The following GPR12 variants were observed in gnomAD, a reference collection of about 807,000 sequenced individuals.
GPR12 encodes G protein-coupled receptor 12.
Under a neutral mutation model 18.9 loss-of-function variants are expected in GPR12, and 7 were observed. The observed-to-expected ratio is 0.37, with a 90% CI of 0.21 to 0.70. The LOEUF (loss-of-function observed/expected upper bound fraction) is 0.70. GPR12 is among the 30% of genes least tolerant of loss of function. The probability of loss-of-function intolerance (pLI) is 0.54; values close to 1 mark genes in which losing one functional copy is unlikely to be tolerated. For synonymous variants in GPR12, 201 were observed against 188.6 expected (o/e 1.07, Z -0.54); for missense variants, 327 against 427.7 (o/e 0.76, Z 2.08).
In GPR12 at chr13:26,758,640, T is replaced by C; in HGVS notation, c.*183A>G. The C allele has an allele frequency of 1.1e-6, 1 of 928,238 alleles. No individual in the cohort carries two copies. 57.5% of individuals were successfully genotyped at this position (928,238 alleles called of 1,614,324 possible). A position where few individuals can be genotyped will look rare whatever the true frequency, so the allele number is the denominator to read the frequency against. On this transcript the variant is annotated 3_prime_UTR_variant, in exon 2 of 2. Coordinates refer to ENST00000405846, the MANE Select transcript of GPR12 (RefSeq NM_005288.4). ...CAATTTTTTTTAATGGTGAAAACACTGGTAACATTATTTTCACTTCAATCA... is the reference window on the plus strand; with the variant it reads ...CAATTTTTTTTAATGGTGAAAACACCGGTAACATTATTTTCACTTCAATCA...
chr13:26,758,632 G>A lies in GPR12; in HGVS notation c.*191C>T. The A allele has an allele frequency of 1.1e-6, 1 of 891,996 alleles. No individual in the cohort carries two copies. Among genetic ancestry groups the A allele is most frequent in the Non-Finnish European group, 1.6e-6 (1 of 621,280 alleles). The allele number at this position is 891,996 out of a possible 1,614,324, so 55.3% of individuals were successfully genotyped here. A position where few individuals can be genotyped will look rare whatever the true frequency, so the allele number is the denominator to read the frequency against. On this transcript the variant is annotated 3_prime_UTR_variant, in exon 2 of 2. Transcript: ENST00000405846. ...GAGCTCAACAATTTTTTTTAATGGTGAAAACACTGGTAACATTATTTTCAC... is the reference window on the plus strand; with the variant it reads ...GAGCTCAACAATTTTTTTTAATGGTAAAAACACTGGTAACATTATTTTCAC...
Position 26,759,433 on chromosome 13 carries a change from A to G in GPR12, c.395T>C (p.Leu132Pro), listed in dbSNP as rs777989826. The change falls in exon 2 of 2, where the codon CTG becomes CCG. Residue 132 changes from leucine (L) to proline (P), a missense_variant. Leu to Pro is a moderately conservative substitution (Grantham distance 98, BLOSUM62 -3). Transcript: ENST00000405846. ...ASFSASVCSL[L>P]AITVDRYLSL... is the part of the protein sequence containing the mutation. ...GAGGTAGCGGTCAACAGTGATAGCC[A>G]GCAAGCTGCAGACAGAGGCAGAGAA... is the stretch of plus-strand genomic sequence containing the variant. 3 of 1,614,056 alleles carry G rather than the reference A, an allele frequency of 1.9e-6. No individual in the cohort carries two copies. The highest frequency in any genetic ancestry group is 2.5e-6 in the Non-Finnish European group (3 of 1,180,026).
rs200921336 is a variant in GPR12, at chr13:26,758,774, G to A, written c.*49C>T. Reference sequence around the variant, plus strand: ...AGGGAAGCATCTCAAACCTTGGCCAGGCAGTGGAAGTGCTTGGTAAATGCA... The same window carrying A: ...AGGGAAGCATCTCAAACCTTGGCCAAGCAGTGGAAGTGCTTGGTAAATGCA... On this transcript the variant is annotated 3_prime_UTR_variant, in exon 2 of 2. Transcript: ENST00000405846. The A allele has an allele frequency of 1.9e-5, 30 of 1,541,818 alleles. No homozygotes were observed. Among genetic ancestry groups the A allele is most frequent in the Non-Finnish European group, 2.6e-5 (30 of 1,141,940 alleles).
Position 26,758,710 on chromosome 13 carries a change from C to T in GPR12, c.*113G>A, listed in dbSNP as rs925084377. 5.6e-6 allele frequency: 8 copies of T among 1,419,604 alleles called. No homozygotes were observed. In the African/African-American group the frequency reaches 5.8e-5, roughly 10 times the overall value. The allele number at this position is 1,419,604 out of a possible 1,614,324, so 87.9% of individuals were successfully genotyped here. On this transcript the variant is annotated 3_prime_UTR_variant, in exon 2 of 2. Coordinates refer to ENST00000405846, the MANE Select transcript of GPR12 (RefSeq NM_005288.4). ...GTCATTGTTTCACGAATGCTAAGTG[C>T]TCCTGTGGCTTGAGAGGGAATCCAA... is the stretch of plus-strand genomic sequence containing the variant.
rs890785817 is a variant in GPR12, at chr13:26,755,591, T to TA, written c.*3231dup. ...TCCTCCTGAACCTGGCTCCTTACTGTAGGCTCCAGGCAAGGAGGGGCTCTA... is the reference window on the plus strand; with the variant it reads ...TCCTCCTGAACCTGGCTCCTTACTGTAAGGCTCCAGGCAAGGAGGGGCTCTA... On this transcript the variant is annotated 3_prime_UTR_variant, in exon 2 of 2. Transcript: ENST00000405846. 2 of 152,182 alleles carry TA rather than the reference T, an allele frequency of 1.3e-5. No individual in the cohort carries two copies. Among genetic ancestry groups the TA allele is most frequent in the African/African-American group, 4.8e-5 (2 of 41,442 alleles). 9.4% of individuals were successfully genotyped at this position (152,182 alleles called of 1,614,324 possible).
intron 1 of GPR12, 46 bp downstream of exon 1, chr13:26,760,533 G>C (rs1402138673): frequency 6.6e-6 from 1 of 151,938 alleles, no homozygotes; most frequent in Non-Finnish European, 1.5e-5. Context: ...GACAGGGTGC[G>C]GGGACAGGCG....
rs999558867 is a variant in GPR12 at position 26,757,485 on chromosome 13, T to G, written c.*1338A>C. ...AGACACATCGATTTTACAATGTGTTTAAAGTGAATTCTTCTTTGCAATTTC... is the reference window on the plus strand; with the variant it reads ...AGACACATCGATTTTACAATGTGTTGAAAGTGAATTCTTCTTTGCAATTTC... On this transcript the variant is annotated 3_prime_UTR_variant, in exon 2 of 2. Coordinates refer to ENST00000405846, the MANE Select transcript of GPR12 (RefSeq NM_005288.4). 5 of 152,248 alleles carry G rather than the reference T, an allele frequency of 3.3e-5. No individual in the cohort carries two copies. The highest frequency in any genetic ancestry group is 1.2e-4 in the African/African-American group (5 of 41,464). The allele number at this position is 152,248 out of a possible 1,614,324, so 9.4% of individuals were successfully genotyped here.
At position 26,756,651 on chromosome 13, in the gene GPR12, G is replaced by T. The variant is rs1022640617; in HGVS notation, c.*2172C>A. 2.6e-5 allele frequency: 4 copies of T among 152,174 alleles called. No individual in the cohort carries two copies. The highest frequency in any genetic ancestry group is 9.7e-5 in the African/African-American group (4 of 41,430). 9.4% of individuals were successfully genotyped at this position (152,174 alleles called of 1,614,324 possible). A position where few individuals can be genotyped will look rare whatever the true frequency, so the allele number is the denominator to read the frequency against. ...GGCTTCAAATTCTGACTCTATCCTT[G>T]TGCTTTGTGGCCTCGGGCACATTTT... On this transcript the variant is annotated 3_prime_UTR_variant, in exon 2 of 2. Coordinates refer to ENST00000405846, the MANE Select transcript of GPR12 (RefSeq NM_005288.4).
At chr13:26,760,326 G>A (rs1310636041) in intron 1 of GPR12, 2 of 168,782 alleles carry the variant, frequency 1.2e-5, no homozygotes, top group African/African-American at 4.8e-5. Flanking sequence ...TCCCCCGCGC[G>A]CGTGCACATC....
chr13:26,758,791 G>C lies in GPR12; in HGVS notation c.*32C>G. 6.4e-7 allele frequency: 1 copy of C among 1,558,650 alleles called. No individual in the cohort carries two copies. The highest frequency in any genetic ancestry group is 8.7e-7 in the Non-Finnish European group (1 of 1,149,070). On this transcript the variant is annotated 3_prime_UTR_variant, in exon 2 of 2. Transcript: ENST00000405846. ...CTTGGCCAGGCAGTGGAAGTGCTTG[G>C]TAAATGCAGAGTCCTCCTGGGTGCA...
chr13:26,758,882 A>C lies in GPR12; in HGVS notation c.946T>G (p.Cys316Gly), dbSNP rs1332337455. The C allele has an allele frequency of 6.2e-7, 1 of 1,614,060 alleles. No individual in the cohort carries two copies. Among genetic ancestry groups the C allele is most frequent in the Non-Finnish European group, 8.5e-7 (1 of 1,180,018 alleles). ...QEIQKALCLICCGCIPSSLAQ... is the reference protein window; with the variant it reads ...QEIQKALCLIGCGCIPSSLAQ... ...AGACTGGACGGGATGCAGCCGCAGC[A>C]AATGAGACAGAGCGCTTTCTGGATC... The change falls in exon 2 of 2, where the codon TGC (cysteine) becomes GGC (glycine). Residue 316 changes from cysteine (C) to glycine (G), a missense_variant. By Grantham distance (159) the Cys-to-Gly change is radical. Coordinates refer to ENST00000405846, the MANE Select transcript of GPR12 (RefSeq NM_005288.4).
intron 1 of GPR12, 176 bp from the exon 2 acceptor site, chr13:26,760,018 G>A: frequency 1.8e-6 from 2 of 1,125,396 alleles, no homozygotes; most frequent in Non-Finnish European, 1.2e-6. Context: ...CAAAGTCTCT[G>A]TGGTTTAAAC....
rs950191826 is a variant in GPR12 at position 26,759,606 on chromosome 13, G to T, written c.222C>A (p.Ser74Arg). The part of the protein sequence containing the change: ...IVVLIIFHNP[S>R]LRAPMFLLIG... ...TTAGCAGGAACATGGGTGCTCGCAG[G>T]CTGGGGTTGTGGAAGATGATAAGGA... The change falls in exon 2 of 2, where the codon AGC becomes AGA. Residue 74 changes from serine to arginine, a missense_variant. Coordinates refer to ENST00000405846, the MANE Select transcript of GPR12 (RefSeq NM_005288.4). 6.2e-7 allele frequency: 1 copy of T among 1,614,162 alleles called. No homozygotes were observed. The highest frequency in any genetic ancestry group is 2.2e-5 in the East Asian group (1 of 44,878).
rs777762682 is a variant in GPR12, at chr13:26,759,303, G to C, written c.525C>G (p.Pro175=). 6.2e-7 allele frequency: 1 copy of C among 1,613,092 alleles called. No homozygotes were observed. The highest frequency in any genetic ancestry group is 8.5e-7 in the Non-Finnish European group (1 of 1,179,992). ...WGTSICLGLL[P]VMGWNCLRDE... ...CTCGGAGGCAGTTCCAGCCCATGAC[G>C]GGCAGCAGCCCCAGGCAGATGGAGG... The change falls in exon 2 of 2, where the codon CCC becomes CCG. Residue 175 remains proline (P), a synonymous_variant. Coordinates refer to ENST00000405846, the MANE Select transcript of GPR12 (RefSeq NM_005288.4).
Position 26,759,306 on chromosome 13 carries a change from C to A in GPR12, c.522G>T (p.Leu174=). 6.2e-7 allele frequency: 1 copy of A among 1,613,110 alleles called. No individual in the cohort carries two copies. The highest frequency in any genetic ancestry group is 8.5e-7 in the Non-Finnish European group (1 of 1,179,984). The change falls in exon 2 of 2, where the codon CTG becomes CTT. Residue 174 remains leucine (L), a synonymous_variant. Transcript: ENST00000405846. ...GGAGGCAGTTCCAGCCCATGACGGG[C>A]AGCAGCCCCAGGCAGATGGAGGTCC... ...LWGTSICLGL[L]PVMGWNCLRD...
In GPR12 at chr13:26,756,970, C is replaced by G. The variant is rs994536955; in HGVS notation, c.*1853G>C. ...TCAATTTTAATTAATTAAAAACGAA[C>G]AGACTCATCATGTTCAACCTACTAA... On this transcript the variant is annotated 3_prime_UTR_variant, in exon 2 of 2. Transcript: ENST00000405846. 1 of 152,130 alleles carries G rather than the reference C, an allele frequency of 6.6e-6. No homozygotes were observed. The highest frequency in any genetic ancestry group is 1.5e-5 in the Non-Finnish European group (1 of 68,010). The allele number at this position is 152,130 out of a possible 1,614,324, so 9.4% of individuals were successfully genotyped here. A position where few individuals can be genotyped will look rare whatever the true frequency, so the allele number is the denominator to read the frequency against.
chr13:26,757,095 T>C lies in GPR12; in HGVS notation c.*1728A>G, dbSNP rs940457591. The C allele has an allele frequency of 6.6e-5, 10 of 152,334 alleles. No homozygotes were observed. Among genetic ancestry groups the C allele is most frequent in the African/African-American group, 2.2e-4 (9 of 41,582 alleles). 9.4% of individuals were successfully genotyped at this position (152,334 alleles called of 1,614,324 possible). A position where few individuals can be genotyped will look rare whatever the true frequency, so the allele number is the denominator to read the frequency against. On this transcript the variant is annotated 3_prime_UTR_variant, in exon 2 of 2. Coordinates refer to ENST00000405846, the MANE Select transcript of GPR12 (RefSeq NM_005288.4). Reference sequence around the variant, plus strand: ...AAAATTCTTTCCCACTTCTTAAGTATTTCAGTCCCTCTCCTGCTTCCATAA... The same window carrying C: ...AAAATTCTTTCCCACTTCTTAAGTACTTCAGTCCCTCTCCTGCTTCCATAA...
At chr13:26,759,921 A>T in intron 1 of GPR12, 79 bp from the exon 2 acceptor site, 1 of 1,468,148 alleles carries the variant, frequency 6.8e-7, no homozygotes, top group Admixed American at 2.6e-5. Flanking sequence ...ACACACAGAC[A>T]AACAGAAAGC....
Position 26,759,934 on chromosome 13 carries a change from G to T in GPR12, c.-15-92C>A, listed in dbSNP as rs574613474. 6 of 1,451,842 alleles carry T rather than the reference G, an allele frequency of 4.1e-6. No individual in the cohort carries two copies. In the Admixed American group the frequency reaches 1.4e-4, roughly 33 times the overall value. 89.9% of individuals were successfully genotyped at this position (1,451,842 alleles called of 1,614,324 possible). ...AAACACACAGACAAACAGAAAGCCAGCCCCTGCTCAGATACCAGTACCAAA... is the reference window on the plus strand; with the variant it reads ...AAACACACAGACAAACAGAAAGCCATCCCCTGCTCAGATACCAGTACCAAA... On this transcript the variant is annotated intron_variant, in intron 1 of 1. Transcript: ENST00000405846.
Sources: gnomAD v4.1 joint callset for allele counts on GRCh38, gnomAD v4.1.1 for gene constraint, MANE v1.5 for transcripts, NCBI Gene and HGNC (gene_info 2026-07-23, HGNC 2026-07-21) for gene names.